Variants in STX8 observed in about 807,000 individuals in gnomAD.
STX8 encodes syntaxin-8.
Under a neutral mutation model 37.5 loss-of-function variants are expected in STX8, and 23 were observed. The observed-to-expected ratio is 0.61, with a 90% CI of 0.44 to 0.87. STX8 has a LOEUF of 0.87. STX8 is among the 40% of genes least tolerant of loss of function. The pLI is 0.00. For missense variants in STX8, 313 were observed against 284.7 expected, an observed-to-expected ratio of 1.10 and a Z score of -0.71; for synonymous variants, 115 against 99.1, an observed-to-expected ratio of 1.16 and a Z score of -0.95.
chr17:9,530,297 T>A (rs1460263876), intron 4 of STX8, among the ~76,000 whole-genome samples: 2 of 111,810 alleles, frequency 1.8e-5, no homozygotes, highest in African/African-American at 6.9e-5. Flanking sequence ...GGAGACAGAG[T>A]GAGACTCCGT....
chr17:9,489,063 G>A (rs971489827), intron 6 of STX8, among the ~76,000 whole-genome samples: 1 of 152,120 alleles, frequency 6.6e-6, no homozygotes, highest in Admixed American at 6.5e-5. Context: ...GTTTAGTACA[G>A]GTGGGGTTTT....
intron 7 of STX8, among the ~76,000 whole-genome samples, chr17:9,318,668 A>G (rs1324470916): frequency 3.3e-5 from 5 of 152,206 alleles, no homozygotes; most frequent in Non-Finnish European, 5.9e-5. Context: ...ATCAGACATT[A>G]AAGCTCCGAA....
chr17:9,533,978 A>G (rs1420387419), intron 4 of STX8, among the ~76,000 whole-genome samples: 2 of 152,176 alleles, frequency 1.3e-5, no homozygotes, highest in East Asian at 1.9e-4. Context: ...CGTTTTTGGT[A>G]TAACATGATC....
intron 6 of STX8, among the ~76,000 whole-genome samples, chr17:9,459,191 AG>A (rs2142416052): frequency 6.6e-6 from 1 of 152,302 alleles, no homozygotes; most frequent in South Asian, 2.1e-4. Flanking sequence ...CAAGACATAG[AG>A]TTGTTAACTA....
chr17:9,395,043 T>C (rs1164258659), intron 6 of STX8, among the ~76,000 whole-genome samples: 1 of 149,832 alleles, frequency 6.7e-6, no homozygotes, highest in Non-Finnish European at 1.5e-5. Context: ...GCCACTGCAC[T>C]CCAGCCCAGG....
At position 9,568,564 on chromosome 17, in the gene STX8, G is replaced by A. The variant is rs187619241; in HGVS notation, c.18-94C>T. ...CGCCCAGGCTGGAGTGCAGTGGCACGATCTCAGCTCACTGCAAGCTCTGCC... is the reference window on the plus strand; with the variant it reads ...CGCCCAGGCTGGAGTGCAGTGGCACAATCTCAGCTCACTGCAAGCTCTGCC... On this transcript the variant is annotated intron_variant, in intron 1 of 7. Coordinates refer to ENST00000306357, the MANE Select transcript of STX8 (RefSeq NM_004853.3). 1,076 of 967,936 alleles carry A rather than the reference G, an allele frequency of 1.1e-3. 10 individuals carry two copies. The African/African-American group carries it at 0.016, about 14-fold the overall frequency. 60.0% of individuals were successfully genotyped at this position (967,936 alleles called of 1,614,324 possible).
At position 9,448,941 on chromosome 17, in the gene STX8, T is replaced by C. The variant is rs11871294; in HGVS notation, c.541+42888A>G. On this transcript the variant is annotated intron_variant, in intron 6 of 7. Transcript: ENST00000306357. ...TCTACATTATTAAAAAAATATATATTACTGCAATCTTTTTTAAAAAGATAC... is the reference window on the plus strand; with the variant it reads ...TCTACATTATTAAAAAAATATATATCACTGCAATCTTTTTTAAAAAGATAC... Among the ~76,000 whole-genome samples, 1,108 of 152,254 alleles carry C rather than the reference T, an allele frequency of 7.3e-3. 14 individuals carry two copies. Among genetic ancestry groups the C allele is most frequent in the African/African-American group, 0.025 (1,050 of 41,550 alleles).
intron 7 of STX8, among the ~76,000 whole-genome samples, chr17:9,370,041 C>T (rs1158411751): frequency 6.6e-6 from 1 of 151,802 alleles, no homozygotes; most frequent in East Asian, 1.9e-4. Flanking sequence ...TGGTGAAACC[C>T]CGTCTCTACT....
intron 6 of STX8, among the ~76,000 whole-genome samples, chr17:9,392,512 A>G (rs1912257643): frequency 6.6e-6 from 1 of 152,118 alleles, no homozygotes. Context: ...CAGGCTAAGA[A>G]AGGAGAATCA....
At chr17:9,446,633 AGCAACAGTTTTTTTG>A (rs1166694058) in intron 6 of STX8, among the ~76,000 whole-genome samples, 5 of 152,236 alleles carry the variant, frequency 3.3e-5, no homozygotes, top group Non-Finnish European at 7.3e-5. Context: ...GATGAGGAGA[AGCAACAGTTTTTTTG>A]GCAGTAGTAC....
intron 6 of STX8, among the ~76,000 whole-genome samples, chr17:9,427,939 T>C (rs1431073771): frequency 6.6e-6 from 1 of 152,194 alleles, no homozygotes; most frequent in Non-Finnish European, 1.5e-5. Flanking sequence ...AAAGAAAAAC[T>C]GCTTCTGGAT....
intron 4 of STX8, among the ~76,000 whole-genome samples, chr17:9,525,725 G>A (rs754231370): frequency 1.3e-5 from 2 of 152,128 alleles, no homozygotes; most frequent in African/African-American, 2.4e-5. Context: ...ACACTATCAT[G>A]TATGGTCCAG....
chr17:9,468,155 G>A (rs1449737930), intron 6 of STX8, among the ~76,000 whole-genome samples: 1 of 152,094 alleles, frequency 6.6e-6, no homozygotes, highest in Admixed American at 6.5e-5. Context: ...TGTCACCCAG[G>A]CTGGAGTGCA....
intron 1 of STX8, among the ~76,000 whole-genome samples, chr17:9,574,274 CAA>C (rs1174966132): frequency 1.0e-4 from 9 of 86,900 alleles, no homozygotes; most frequent in Admixed American, 1.3e-4. Context: ...GACTCCGTCT[CAA>C]AAAAAAAAAA....
At chr17:9,376,564 C>T (rs147705610) in intron 7 of STX8, among the ~76,000 whole-genome samples, 61 of 152,318 alleles carry the variant, frequency 4.0e-4, no homozygotes, top group African/African-American at 1.3e-3. Context: ...CTGACCCGCT[C>T]GGGTCCCCTT....
At chr17:9,500,943 T>G (rs1904588227) in intron 5 of STX8, among the ~76,000 whole-genome samples, 1 of 152,124 alleles carries the variant, frequency 6.6e-6, no homozygotes, top group Admixed American at 6.5e-5. Context: ...AGGCAGAGCT[T>G]GCAGGGAGCC....
chr17:9,292,828 T>A (rs949100092), intron 7 of STX8, among the ~76,000 whole-genome samples: 2 of 152,188 alleles, frequency 1.3e-5, no homozygotes, highest in Admixed American at 1.3e-4. Context: ...AAGAATGTGC[T>A]CTGCAGTTCC....
intron 6 of STX8, among the ~76,000 whole-genome samples, chr17:9,454,040 T>A (rs116794541): frequency 1.3e-5 from 2 of 152,280 alleles, no homozygotes; most frequent in African/African-American, 4.8e-5. Context: ...AAAGTTAAAG[T>A]GGAATGACTA....
intron 3 of STX8, among the ~76,000 whole-genome samples, chr17:9,550,703 G>A (rs1242071863): frequency 6.6e-6 from 1 of 152,308 alleles, no homozygotes; most frequent in South Asian, 2.1e-4. Flanking sequence ...AGATGGAGCG[G>A]GGTAAATATG....
Sources: allele counts gnomAD v4.1 joint callset (sites outside exome capture counted in the v4.1 genomes callset), GRCh38; gene constraint gnomAD v4.1.1; transcripts MANE v1.5; gene names NCBI Gene and HGNC (gene_info 2026-07-23, HGNC 2026-07-21).